The following SORCS1 variants were observed in gnomAD, a reference collection of about 807,000 sequenced individuals.
The protein encoded by SORCS1 is sortilin related VPS10 domain containing receptor 1.
A neutral mutation model predicts 146.1 loss-of-function variants in SORCS1; 60 were observed. The ratio of observed to expected loss-of-function variants is 0.41; its 90% confidence interval spans 0.33 to 0.51. The LOEUF is 0.51. Ranked by LOEUF, SORCS1 falls within the 20% of genes least tolerant of loss-of-function variation. The probability of loss-of-function intolerance (pLI) is 0.21; values close to 1 mark genes in which losing one functional copy is unlikely to be tolerated. For synonymous variants in SORCS1, 637 were observed against 584.0 expected, an observed-to-expected ratio of 1.09 and a Z score of -1.31; for missense variants, 1,352 against 1,487.6, an observed-to-expected ratio of 0.91 and a Z score of 1.50.
chr10:106,941,982 C>A (rs1954067738), intron 2 of SORCS1, among the ~76,000 whole-genome samples: 1 of 152,130 alleles, frequency 6.6e-6, no homozygotes, highest in Non-Finnish European at 1.5e-5. Flanking sequence ...TTGTCACTCA[C>A]AAATAACTCA....
intron 1 of SORCS1, among the ~76,000 whole-genome samples, chr10:107,103,237 C>T (rs987186804): frequency 2.0e-5 from 3 of 152,192 alleles, no homozygotes; most frequent in Admixed American, 6.5e-5. Context: ...ATCATCTCTG[C>T]GTTACATTTC....
intron 3 of SORCS1, among the ~76,000 whole-genome samples, chr10:106,815,297 A>C (rs1015540490): frequency 2.0e-5 from 3 of 152,180 alleles, no homozygotes; most frequent in Non-Finnish European, 2.9e-5. Flanking sequence ...GAAAAAAGGA[A>C]GGAATAAAGG....
chr10:107,115,234 TG>T (rs1965948308), intron 1 of SORCS1, among the ~76,000 whole-genome samples: 1 of 150,214 alleles, frequency 6.7e-6, no homozygotes, highest in Non-Finnish European at 1.5e-5. Context: ...ACATTTTTCA[TG>T]AAAACAGAAA....
intron 1 of SORCS1, among the ~76,000 whole-genome samples, chr10:107,035,486 T>G (rs542518189): frequency 6.6e-6 from 1 of 152,106 alleles, no homozygotes. Flanking sequence ...TTTTGCAGAA[T>G]GGAGTGAAAA....
At chr10:106,775,682 T>C (rs1589851202) in intron 4 of SORCS1, among the ~76,000 whole-genome samples, 2 of 152,388 alleles carry the variant, frequency 1.3e-5, no homozygotes, top group Middle Eastern at 6.8e-3. Flanking sequence ...ATGACTTCAC[T>C]GCATAATGCA....
intron 1 of SORCS1, among the ~76,000 whole-genome samples, chr10:107,065,683 T>G (rs1320353035): frequency 2.0e-5 from 3 of 151,938 alleles, no homozygotes; most frequent in Non-Finnish European, 4.4e-5. Flanking sequence ...GCTTTGTTTT[T>G]GTTTTGTATT....
chr10:106,792,311 C>T (rs1946355593), intron 3 of SORCS1, among the ~76,000 whole-genome samples: 1 of 152,214 alleles, frequency 6.6e-6, no homozygotes, highest in African/African-American at 2.4e-5. Context: ...GTCATCAATT[C>T]CCAGTCAAAC....
rs1415656734 is a variant in SORCS1 at position 106,618,261 on chromosome 10, G to A, written c.2808C>T (p.Thr936=). 1.9e-6 allele frequency: 3 copies of A among 1,613,920 alleles called. No individual in the cohort carries two copies. The highest frequency in any genetic ancestry group is 1.3e-5 in the African/African-American group (1 of 75,042). The change falls in exon 21 of 26, where the codon ACC becomes ACT. Residue 936 remains threonine (T), a synonymous_variant. Transcript: ENST00000263054. ...WYGNNTEPLI[T]LEGSISFRFT... ...ATCTGAAGGATATGCTTCCCTCCAA[G>A]GTGATCAAAGGCTAAAATAAACAAG...
rs546101482 is a variant in SORCS1 at position 106,724,601 on chromosome 10, C to T, written c.1024+5449G>A. Among the ~76,000 whole-genome samples the T allele has an allele frequency of 6.6e-5, 10 of 152,150 alleles. No homozygotes were observed. In the South Asian group the frequency reaches 2.1e-3, roughly 32 times the overall value. ...TAAAAAACTAAAGCTTTCCAGAGCTCACCTCCCCTGAAATATGGGAACTTC... is the reference window on the plus strand; with the variant it reads ...TAAAAAACTAAAGCTTTCCAGAGCTTACCTCCCCTGAAATATGGGAACTTC... On this transcript the variant is annotated intron_variant, in intron 6 of 25. Transcript: ENST00000263054.
At chr10:106,956,712 G>A in intron 1 of SORCS1, 132 bp from the exon 2 acceptor site, 1 of 780,180 alleles carries the variant, frequency 1.3e-6, no homozygotes, top group Non-Finnish European at 2.1e-6. Context: ...TACAGCATTT[G>A]CCACACTGAC....
intron 6 of SORCS1, among the ~76,000 whole-genome samples, chr10:106,719,676 G>A (rs968770375): frequency 1.3e-5 from 2 of 152,110 alleles, no homozygotes; most frequent in East Asian, 1.9e-4. Context: ...CTTCCAAAGT[G>A]CTGGCGTTAC....
intron 17 of SORCS1, among the ~76,000 whole-genome samples, chr10:106,657,482 G>C (rs1053099414): frequency 1.3e-5 from 2 of 151,918 alleles, no homozygotes; most frequent in African/African-American, 4.8e-5. Context: ...GAGGGTGACA[G>C]AGAAAAAACT....
chr10:106,667,654 G>T (rs776743431), intron 17 of SORCS1, 35 bp downstream of exon 17: 4 of 1,463,844 alleles, frequency 2.7e-6, no homozygotes, highest in Middle Eastern at 1.7e-4. Flanking sequence ...GGCAGCAAAG[G>T]TTGGCCTCTC....
chr10:106,777,683 G>A (rs1231683208), intron 3 of SORCS1, among the ~76,000 whole-genome samples: 2 of 152,188 alleles, frequency 1.3e-5, no homozygotes, highest in Non-Finnish European at 2.9e-5. Context: ...AATCACAATA[G>A]CAGCAAGATG....
At position 106,674,328 on chromosome 10, in the gene SORCS1, C is replaced by CAA. The variant is rs10658432; in HGVS notation, c.1940+719_1940+720dup. Among the ~76,000 whole-genome samples the CAA allele has an allele frequency of 4.7e-3, 129 of 27,358 alleles. 28 individuals carry two copies. The highest frequency in any genetic ancestry group is 0.015 in the African/African-American group (75 of 4,938). The allele number at this position is 27,358 out of a possible 152,430, so 17.9% of individuals were successfully genotyped here. Reference sequence around the variant, plus strand: ...TGGGCGACAGAGTAAGACTCCGTCTCAAAAAAAAAAAAAAAAAAAAAAAAA... The same window carrying CAA: ...TGGGCGACAGAGTAAGACTCCGTCTCAAAAAAAAAAAAAAAAAAAAAAAAAAA... On this transcript the variant is annotated intron_variant, in intron 14 of 25. Transcript: ENST00000263054.
At chr10:106,722,249 A>C (rs1160366082) in intron 6 of SORCS1, among the ~76,000 whole-genome samples, 1 of 152,090 alleles carries the variant, frequency 6.6e-6, no homozygotes, top group Non-Finnish European at 1.5e-5. Flanking sequence ...CTATATTCAT[A>C]GTAAACACAC....
intron 3 of SORCS1, among the ~76,000 whole-genome samples, chr10:106,812,138 C>T (rs1947491319): frequency 6.6e-6 from 1 of 152,026 alleles, no homozygotes; most frequent in African/African-American, 2.4e-5. Context: ...GTAGCTGGGA[C>T]TACAGGCGCC....
At chr10:106,801,950 T>C (rs998947809) in intron 3 of SORCS1, among the ~76,000 whole-genome samples, 3 of 152,300 alleles carry the variant, frequency 2.0e-5, no homozygotes, top group African/African-American at 7.2e-5. Flanking sequence ...TTAGCTCTAG[T>C]GTCAGCGTTT....
At chr10:106,762,935 C>A (rs1859251492) in intron 4 of SORCS1, among the ~76,000 whole-genome samples, 1 of 152,192 alleles carries the variant, frequency 6.6e-6, no homozygotes, top group East Asian at 1.9e-4. Flanking sequence ...GAGGACTGTA[C>A]AACAACAGCA....
Sources: allele counts gnomAD v4.1 joint callset (sites outside exome capture counted in the v4.1 genomes callset), GRCh38; gene constraint gnomAD v4.1.1; transcripts MANE v1.5; gene names NCBI Gene and HGNC (gene_info 2026-07-23, HGNC 2026-07-21).